Variants in EYS observed in about 807,000 individuals in gnomAD.
The protein encoded by EYS is protein eyes shut homolog.
A neutral mutation model predicts 282.1 loss-of-function variants in EYS; 250 were observed. The ratio of observed to expected loss-of-function variants is 0.89; its 90% CI spans 0.80 to 0.98. The LOEUF is 0.98. Among genes scored for constraint, EYS ranks in the 50% least tolerant of loss-of-function variants. The probability of loss-of-function intolerance (pLI) is 0.00; values close to 1 mark genes in which losing one functional copy is unlikely to be tolerated. For missense variants in EYS, 4,016 were observed against 3,709.0 expected (o/e 1.08, Z -2.15); for synonymous variants, 1,355 against 1,282.9 (o/e 1.06, Z -1.20).
chr6:63,887,551 G>A (rs1358091595), intron 35 of EYS, among the ~76,000 whole-genome samples: 1 of 152,170 alleles, frequency 6.6e-6, no homozygotes, highest in Admixed American at 6.5e-5. Context: ...GGAAGCACAA[G>A]GGGTCGGGGA....
intron 2 of EYS, among the ~76,000 whole-genome samples, chr6:65,554,352 C>T (rs1371881892): frequency 2.0e-5 from 3 of 152,102 alleles, no homozygotes; most frequent in Non-Finnish European, 4.4e-5. Flanking sequence ...TATCTTTGAA[C>T]AAGAAATTAA....
At chr6:64,228,615 T>C (rs1422884466) in intron 31 of EYS, among the ~76,000 whole-genome samples, 3 of 152,148 alleles carry the variant, frequency 2.0e-5, no homozygotes, top group Non-Finnish European at 4.4e-5. Context: ...TTTAAAATAT[T>C]ATAAATTCAG....
At chr6:64,459,826 A>ATGTTAATTTCCTTTAGCAATAC (rs1775684445) in intron 26 of EYS, among the ~76,000 whole-genome samples, 1 of 152,116 alleles carries the variant, frequency 6.6e-6, no homozygotes, top group Admixed American at 6.5e-5. Flanking sequence ...ACTGACTCAA[A>ATGTTAATTTCCTTTAGCAATAC]TGTTAATTTC....
At chr6:65,620,051 G>T (rs995592928) in intron 2 of EYS, among the ~76,000 whole-genome samples, 7 of 152,110 alleles carry the variant, frequency 4.6e-5, no homozygotes, top group Admixed American at 6.6e-5. Context: ...TTTGGTATCA[G>T]GATGATGCTG....
At chr6:64,609,513 T>A (rs1360770781) in intron 24 of EYS, among the ~76,000 whole-genome samples, 2 of 152,180 alleles carry the variant, frequency 1.3e-5, no homozygotes, top group Non-Finnish European at 2.9e-5. Context: ...GCACACAGCC[T>A]TGTAGACTAC....
chr6:64,714,181 A>G (rs1771298301), intron 22 of EYS, among the ~76,000 whole-genome samples: 1 of 152,240 alleles, frequency 6.6e-6, no homozygotes, highest in African/African-American at 2.4e-5. Flanking sequence ...TTGATAGACA[A>G]TGACAAGTAA....
intron 11 of EYS, among the ~76,000 whole-genome samples, chr6:65,326,042 T>C (rs1769609237): frequency 6.6e-6 from 1 of 152,060 alleles, no homozygotes; most frequent in Non-Finnish European, 1.5e-5. Context: ...TTGGAAAAAA[T>C]AGAAACCCAT....
At chr6:64,889,370 T>G (rs1032707002) in intron 18 of EYS, among the ~76,000 whole-genome samples, 1 of 152,028 alleles carries the variant, frequency 6.6e-6, no homozygotes, top group African/African-American at 2.4e-5. Context: ...TTTGTCTGTA[T>G]AGTTATCTTG....
intron 2 of EYS, among the ~76,000 whole-genome samples, chr6:65,612,775 AAAGC>A (rs1766046617): frequency 6.6e-6 from 1 of 151,364 alleles, no homozygotes; most frequent in African/African-American, 2.4e-5. Flanking sequence ...ATAACTTAAA[AAAGC>A]AAGTGATTAA....
At chr6:64,721,485 C>T (rs1771579359) in intron 22 of EYS, among the ~76,000 whole-genome samples, 1 of 152,138 alleles carries the variant, frequency 6.6e-6, no homozygotes, top group South Asian at 2.1e-4. Context: ...TCTTTGAGAA[C>T]ATTAATTCCA....
At chr6:65,081,704 T>G (rs1581892530) in intron 12 of EYS, among the ~76,000 whole-genome samples, 1 of 152,168 alleles carries the variant, frequency 6.6e-6, no homozygotes, top group South Asian at 2.1e-4. Context: ...TTTAAAAAAA[T>G]GAGATTCATT....
chr6:64,473,623 T>C (rs1776185006), intron 26 of EYS, among the ~76,000 whole-genome samples: 1 of 152,182 alleles, frequency 6.6e-6, no homozygotes, highest in Admixed American at 6.5e-5. Flanking sequence ...AGACCGTGTG[T>C]CTATTTCCAA....
chr6:64,634,217 C>A (rs553540236), intron 22 of EYS, among the ~76,000 whole-genome samples: 3 of 152,150 alleles, frequency 2.0e-5, no homozygotes, highest in Non-Finnish European at 4.4e-5. Context: ...CTCTTCACCT[C>A]GTGATCCGCC....
At chr6:65,427,276 T>C (rs1305350777) in intron 5 of EYS, among the ~76,000 whole-genome samples, 1 of 152,046 alleles carries the variant, frequency 6.6e-6, no homozygotes, top group Non-Finnish European at 1.5e-5. Flanking sequence ...GAAAATTCTT[T>C]TGGAATATTA....
At chr6:64,383,777 G>C (rs1445404575) in intron 29 of EYS, among the ~76,000 whole-genome samples, 1 of 152,162 alleles carries the variant, frequency 6.6e-6, no homozygotes, top group East Asian at 1.9e-4. Flanking sequence ...AAACCCAAAA[G>C]TGTTGAATGT....
intron 22 of EYS, among the ~76,000 whole-genome samples, chr6:64,721,581 A>G (rs1771583788): frequency 6.6e-6 from 1 of 152,076 alleles, no homozygotes; most frequent in Admixed American, 6.6e-5. Context: ...TCTTCAAAAA[A>G]CTTATATTCC....
At chr6:64,452,226 A>G (rs1206616892) in intron 26 of EYS, among the ~76,000 whole-genome samples, 1 of 152,160 alleles carries the variant, frequency 6.6e-6, no homozygotes, top group Non-Finnish European at 1.5e-5. Flanking sequence ...AGACAAACAG[A>G]GAGCCAAATC....
intron 26 of EYS, among the ~76,000 whole-genome samples, chr6:64,567,266 T>C (rs1023958805): frequency 1.3e-5 from 2 of 152,188 alleles, no homozygotes; most frequent in African/African-American, 2.4e-5. Context: ...ATAATACATT[T>C]TATAAAGTCA....
rs1423378562 is a variant in EYS, at chr6:64,168,853, A to G, written c.6424+61739T>C. Among the ~76,000 whole-genome samples, 3 of 152,198 alleles carry G rather than the reference A, an allele frequency of 2.0e-5. No individual in the cohort carries two copies. In the East Asian group the frequency reaches 5.8e-4, roughly 29 times the overall value. The stretch of plus-strand genomic sequence containing the variant: ...TTTGCACAAGGCAGTAAATTTACTT[A>G]AAATGAGTAAAATTTATGCTATGTC... On this transcript the variant is annotated intron_variant, in intron 31 of 42. Transcript: ENST00000503581.
Sources: gnomAD v4.1 joint callset for allele counts (sites outside exome capture counted in the v4.1 genomes callset) on GRCh38, gnomAD v4.1.1 for gene constraint, MANE v1.5 for transcripts, NCBI Gene and HGNC (gene_info 2026-07-23, HGNC 2026-07-21) for gene names.